SARS1: variants seen among roughly 807,000 people sequenced by gnomAD.
SARS1 encodes seryl-tRNA synthetase 1, also known as serine--tRNA ligase, cytoplasmic.
A neutral mutation model predicts 63.7 loss-of-function variants in SARS1; 25 were observed. The observed-to-expected ratio is 0.39, with a 90% CI of 0.29 to 0.55. The LOEUF is 0.55. Ranked by LOEUF, SARS1 falls within the 20% of genes least tolerant of loss-of-function variation. The pLI is 0.62. For synonymous variants in SARS1, 231 were observed against 243.5 expected (o/e 0.95, Z 0.48); for missense variants, 417 against 649.7 (o/e 0.64, Z 3.89).
chr1:109,236,993 C>T, intron 9 of SARS1: 1 of 1,332,516 alleles, frequency 7.5e-7, no homozygotes, highest in Non-Finnish European at 9.7e-7. Context: ...CCTCAAAGGG[C>T]CCAACTCTCA....
At chr1:109,226,144 A>AT (rs771525135) in intron 2 of SARS1, among the ~76,000 whole-genome samples, 1,914 of 126,436 alleles carry the variant, frequency 0.015, 17 homozygotes, top group East Asian at 0.035. Context: ...CACTCGGCTA[A>AT]TTTTTTTTTT....
At chr1:109,213,917 C>G (rs1170013403), upstream of SARS1, 17 of 1,484,940 alleles carry the variant, frequency 1.1e-5, no homozygotes, top group Non-Finnish European at 1.5e-5. Flanking sequence ...AGCGCGCCGG[C>G]GCAGTGCGGC....
chr1:109,214,706 A>G lies in SARS1; in HGVS notation c.136+578A>G. 1 of 985,436 alleles carries G rather than the reference A, an allele frequency of 1.0e-6. No homozygotes were observed. Among genetic ancestry groups the G allele is most frequent in the Non-Finnish European group, 1.2e-6 (1 of 829,950 alleles). 61.0% of individuals were successfully genotyped at this position (985,436 alleles called of 1,614,324 possible). ...TCCCCCGACCTATGGGCATACCTTT[A>G]AGAATTAGAAAAGTCTTTTCCGTGG... On this transcript the variant is annotated intron_variant, in intron 1 of 10. Coordinates refer to ENST00000234677, the MANE Select transcript of SARS1 (RefSeq NM_006513.4). This position sits in a 1 kb window ranked among gnomAD's most constrained non-coding sequence, Gnocchi z 4.6.
At chr1:109,232,833 AG>A (rs1655235581) in intron 6 of SARS1, among the ~76,000 whole-genome samples, 1 of 152,216 alleles carries the variant, frequency 6.6e-6, no homozygotes, top group African/African-American at 2.4e-5. Flanking sequence ...TGCAGGTAAC[AG>A]TAGGGAGAAA....
At position 109,226,459 on chromosome 1, in the gene SARS1, C is replaced by G. The variant is rs548118720; in HGVS notation, c.208-1893C>G. ...CTCCAACTCCTTGGCTCAAGCAGTC[C>G]TCCCACCTCAGCCTCTCAAGTAACT... On this transcript the variant is annotated intron_variant, in intron 2 of 10. Transcript: ENST00000234677. Among the ~76,000 whole-genome samples the G allele has an allele frequency of 4.7e-5, 7 of 149,718 alleles. No individual in the cohort carries two copies. In the South Asian group the frequency reaches 1.5e-3, roughly 31 times the overall value.
intron 9 of SARS1, 30 bp downstream of exon 9, chr1:109,236,578 G>C: frequency 1.9e-6 from 3 of 1,593,464 alleles, no homozygotes; most frequent in Non-Finnish European, 2.6e-6. Context: ...GTGGGAAGCA[G>C]AGTCTTCAGT....
chr1:109,226,866 C>G (rs979445256), intron 2 of SARS1, among the ~76,000 whole-genome samples: 1 of 150,320 alleles, frequency 6.7e-6, no homozygotes, highest in African/African-American at 2.4e-5. Flanking sequence ...ATTACAGTTG[C>G]AAGCCACTGT....
chr1:109,236,859 T>C, intron 9 of SARS1: 1 of 1,601,020 alleles, frequency 6.2e-7, no homozygotes, highest in Non-Finnish European at 8.5e-7. Context: ...TTCCCTCTTC[T>C]CACCCAAGAA....
At chr1:109,236,793 T>C (rs1477284400) in intron 9 of SARS1, 8 of 1,584,450 alleles carry the variant, frequency 5.0e-6, no homozygotes, top group Non-Finnish European at 6.9e-6. Context: ...GCTTTGTTTT[T>C]CTTAACTCCA....
chr1:109,214,054 A>G lies in SARS1; in HGVS notation c.62A>G (p.Glu21Gly). 6.2e-7 allele frequency: 1 copy of G among 1,614,158 alleles called. No homozygotes were observed. Among genetic ancestry groups the G allele is most frequent in the Middle Eastern group, 1.6e-4 (1 of 6,062 alleles). Residue 21 changes from glutamate (E) to glycine (G), a missense_variant, in exon 1 of 11, where the codon GAG (glutamate) becomes GGG (glycine). By Grantham distance (98) the Glu-to-Gly change is moderately conservative (BLOSUM62 -2). Around this residue, in one of 3 missense-constraint regions of SARS1, gnomAD observed 359 missense variants for 529.6 expected, o/e 0.68. Transcript: ENST00000234677. The surrounding 1 kb of genome is among the most constrained non-coding windows in gnomAD (Gnocchi z 4.6). ...GGAGGGGACCCAGCCCTCATCCGAGAGACGCAGGAGAAGCGCTTCAAGGAC... is the reference window on the plus strand; with the variant it reads ...GGAGGGGACCCAGCCCTCATCCGAGGGACGCAGGAGAAGCGCTTCAAGGAC... ...DKGGDPALIRETQEKRFKDPG... is the reference protein window; with the variant it reads ...DKGGDPALIRGTQEKRFKDPG...
At chr1:109,219,438 T>A (rs1654875200) in intron 1 of SARS1, among the ~76,000 whole-genome samples, 1 of 150,754 alleles carries the variant, frequency 6.6e-6, no homozygotes, top group South Asian at 2.1e-4. Context: ...CTTACCTCCA[T>A]CACCATAAAT....
At position 109,236,156 on chromosome 1, in the gene SARS1, C is replaced by T. The variant is rs578068800; in HGVS notation, c.1099+50C>T. 1.9e-6 allele frequency: 3 copies of T among 1,576,204 alleles called. No homozygotes were observed. In the Admixed American group the frequency reaches 5.6e-5, roughly 30 times the overall value. On this transcript the variant is annotated intron_variant, in intron 8 of 10. Coordinates refer to ENST00000234677, the MANE Select transcript of SARS1 (RefSeq NM_006513.4). The stretch of plus-strand genomic sequence containing the variant: ...CCTCCCTTTCCTGTAATCCCAGACG[C>T]CACCCTTACCAGCTGAGCTGCCACA...
chr1:109,233,196 A>G (rs994234373), intron 6 of SARS1, among the ~76,000 whole-genome samples: 1 of 152,030 alleles, frequency 6.6e-6, no homozygotes, highest in Admixed American at 6.6e-5. Flanking sequence ...TCCTATGTAG[A>G]GACAGGGTCT....
chr1:109,236,734 C>A, intron 9 of SARS1, 186 bp downstream of exon 9: 1 of 1,526,794 alleles, frequency 6.5e-7, no homozygotes, highest in Non-Finnish European at 8.8e-7. Context: ...TAGCTAGAAA[C>A]CTGAATCTAG....
At chr1:109,216,566 C>T in intron 1 of SARS1, 1 of 985,020 alleles carries the variant, frequency 1.0e-6, no homozygotes, top group Non-Finnish European at 1.2e-6. Context: ...TTTTATCCTC[C>T]CTCAAAAAGT....
In SARS1 at chr1:109,213,947, C is replaced by A. The variant is rs1654725270; in HGVS notation, c.-46C>A. The A allele has an allele frequency of 1.3e-6, 2 of 1,566,738 alleles. No homozygotes were observed. Among genetic ancestry groups the A allele is most frequent in the Non-Finnish European group, 1.7e-6 (2 of 1,153,744 alleles). On this transcript the variant is annotated 5_prime_UTR_variant, in exon 1 of 11. Transcript: ENST00000234677. ...TGCGGCGGTCACAGGCTGAGTGCTG[C>A]GGCGCGATCCTTGCTTCCCTGAGCG... is the stretch of plus-strand genomic sequence containing the variant.
At position 109,235,442 on chromosome 1, in the gene SARS1, G is replaced by T. The variant is rs771203366; in HGVS notation, c.969+11G>T. 6.2e-7 allele frequency: 1 copy of T among 1,605,268 alleles called. No homozygotes were observed. The highest frequency in any genetic ancestry group is 8.5e-7 in the Non-Finnish European group (1 of 1,175,786). On this transcript the variant is annotated intron_variant, in intron 7 of 10. Transcript: ENST00000234677. This position sits in a 1 kb window ranked among gnomAD's most constrained non-coding sequence, Gnocchi z 4.7. ...CATCAGTTTGAGAAGGTGAGTAGAT[G>T]GGTCAGGGTAAGGAGTGGAACTTTC...
At chr1:109,216,125 A>G (rs1286090024) in intron 1 of SARS1, 2 of 985,342 alleles carry the variant, frequency 2.0e-6, no homozygotes, top group Admixed American at 6.1e-5. Context: ...TGCCCAAGGT[A>G]GACACTGGCA....
chr1:109,215,483 A>T, intron 1 of SARS1: 7 of 984,922 alleles, frequency 7.1e-6, no homozygotes, highest in Middle Eastern at 5.2e-4. Context: ...AATTTTATTC[A>T]TACAGTATAT....
Sources: gnomAD v4.1 joint callset for allele counts (sites outside exome capture counted in the v4.1 genomes callset) on GRCh38, gnomAD v4.1.1 for gene constraint, gnomAD v4.1.1 regional missense constraint, Gnocchi (gnomAD v3.1) non-coding constraint, MANE v1.5 for transcripts, NCBI Gene and HGNC (gene_info 2026-07-23, HGNC 2026-07-21) for gene names.